The following DNAH17 variants were observed in gnomAD, a reference collection of about 807,000 sequenced individuals.
DNAH17 encodes axonemal beta dynein heavy chain 17.
A neutral mutation model predicts 485.6 loss-of-function variants in DNAH17; 376 were observed. That is an observed-to-expected ratio of 0.77 (90% CI 0.71 to 0.84). DNAH17 has a LOEUF of 0.84. Among genes scored for constraint, DNAH17 ranks in the 40% least tolerant of loss-of-function variants. The pLI is 0.00. For missense variants in DNAH17, 6,370 were observed against 5,839.3 expected, an observed-to-expected ratio of 1.09 and a Z score of -2.96; for synonymous variants, 3,031 against 2,405.9, an observed-to-expected ratio of 1.26 and a Z score of -7.60.
intron 72 of DNAH17, among the ~76,000 whole-genome samples, chr17:78,439,763 G>C (rs971311745): frequency 7.2e-6 from 1 of 138,638 alleles, no homozygotes; most frequent in Non-Finnish European, 1.5e-5. Context: ...TCCACCTCCC[G>C]GGTTCAAGTG....
At chr17:78,440,578 C>T (rs79237831) in intron 72 of DNAH17, among the ~76,000 whole-genome samples, 25 of 152,152 alleles carry the variant, frequency 1.6e-4, no homozygotes, top group African/African-American at 5.1e-4. Context: ...CTTTTTTAAT[C>T]GAGGGATACT....
intron 62 of DNAH17, among the ~76,000 whole-genome samples, chr17:78,457,724 G>C (rs1329179784): frequency 2.8e-5 from 4 of 144,650 alleles, no homozygotes; most frequent in Non-Finnish European, 6.0e-5. Flanking sequence ...ACAATGGCGC[G>C]ATCTCGGCTC....
intron 48 of DNAH17, among the ~76,000 whole-genome samples, chr17:78,481,310 A>G (rs1038919106): frequency 2.6e-5 from 4 of 151,656 alleles, no homozygotes; most frequent in African/African-American, 7.3e-5. Context: ...TCACCGTGTT[A>G]GCCAGGATGG....
At chr17:78,442,135 G>A (rs1218370440) in intron 71 of DNAH17, among the ~76,000 whole-genome samples, 1 of 152,140 alleles carries the variant, frequency 6.6e-6, no homozygotes, top group African/African-American at 2.4e-5. Context: ...CTGAAAGGAG[G>A]ACAAATGGCC....
intron 16 of DNAH17, among the ~76,000 whole-genome samples, 174 bp from the exon 17 acceptor site, chr17:78,544,171 G>A (rs894613000): frequency 3.9e-5 from 6 of 152,168 alleles, no homozygotes; most frequent in African/African-American, 1.2e-4. Flanking sequence ...GTGCCTAATT[G>A]ACTGTTGACC....
intron 11 of DNAH17, among the ~76,000 whole-genome samples, chr17:78,565,588 T>C (rs1039187129): frequency 6.6e-6 from 1 of 152,152 alleles, no homozygotes; most frequent in Non-Finnish European, 1.5e-5. Flanking sequence ...ACTGTTCAGA[T>C]CAGGGGCCCT....
Position 78,543,908 on chromosome 17 carries a change from C to T in DNAH17, c.2481G>A (p.Lys827=), listed in dbSNP as rs753550859. 9 of 1,613,926 alleles carry T rather than the reference C, an allele frequency of 5.6e-6. No individual in the cohort carries two copies. The Admixed American group carries it at 1.0e-4, about 18-fold the overall frequency. The part of the protein sequence containing the change: ...DLDGRIANLN[K]RYAAVRDAGV... ...CAGCATCCCTGACTGCTGCGTAGCG[C>T]TTGTTGAGGTTGGCAATTCTTCCAT... is the stretch of plus-strand genomic sequence containing the variant. The change falls in exon 17 of 81, where the codon AAG becomes AAA. Residue 827 remains lysine, a synonymous_variant. Coordinates refer to ENST00000389840, the MANE Select transcript of DNAH17 (RefSeq NM_173628.4).
At position 78,572,745 on chromosome 17, in the gene DNAH17, C is replaced by T. The variant is rs373888158; in HGVS notation, c.495G>A (p.Pro165=). ...KIKGKTLLPI[P]EHLGSLDGTL... ...TGCCATCCAGGCTGCCCAGGTGCTC[C>T]GGAATAGGCAGCAAGGTTTTGCCTT... Residue 165 remains proline, a synonymous_variant, in exon 3 of 81, where the codon CCG becomes CCA. Coordinates refer to ENST00000389840, the MANE Select transcript of DNAH17 (RefSeq NM_173628.4). The T allele has an allele frequency of 2.4e-5, 38 of 1,612,316 alleles. No individual in the cohort carries two copies. The highest frequency in any genetic ancestry group is 1.6e-4 in the Middle Eastern group (1 of 6,084).
rs750276168 is a variant in DNAH17 at position 78,434,173 on chromosome 17, G to C, written c.12081C>G (p.Leu4027=). 38 of 1,613,382 alleles carry C rather than the reference G, an allele frequency of 2.4e-5. 1 individual carries two copies. The highest frequency in any genetic ancestry group is 9.9e-5 in the South Asian group (9 of 91,076). The change falls in exon 75 of 81, where the codon CTC becomes CTG. Residue 4027 remains leucine, a synonymous_variant. Coordinates refer to ENST00000389840, the MANE Select transcript of DNAH17 (RefSeq NM_173628.4). ...CTKEMEFKCM[L]FALCYFHAVV... ...CAGCGTGGAAGTAGCACAGGGCGAA[G>C]AGCATGCACTTGAACTCCATCTCCT... is the stretch of plus-strand genomic sequence containing the variant.
At position 78,427,507 on chromosome 17, in the gene DNAH17, ACAGTG is replaced by A. The variant is rs1409340914; in HGVS notation, c.12589-404_12589-400del. On this transcript the variant is annotated intron_variant, in intron 77 of 80. Transcript: ENST00000389840. The stretch of plus-strand genomic sequence containing the variant: ...CACACCCTGTTAAGGAGTGGCCCAC[ACAGTG>A]CAGTGGTCACCTGCACCACCGTCTG... 1.2e-4 allele frequency among the ~76,000 whole-genome samples: 18 copies of A among 152,372 alleles called. No individual in the cohort carries two copies. In the East Asian group the frequency reaches 2.9e-3, roughly 24 times the overall value.
At chr17:78,430,276 A>C (rs1456896445) in intron 75 of DNAH17, among the ~76,000 whole-genome samples, 1 of 152,088 alleles carries the variant, frequency 6.6e-6, no homozygotes, top group Non-Finnish European at 1.5e-5. Flanking sequence ...TGTGGCAGCC[A>C]CTTTAAAAGA....
intron 22 of DNAH17, among the ~76,000 whole-genome samples, chr17:78,527,910 C>G (rs1477518653): frequency 6.6e-6 from 1 of 152,132 alleles, no homozygotes; most frequent in Non-Finnish European, 1.5e-5. Flanking sequence ...TCCCGAGCAG[C>G]TAGGATTACA....
chr17:78,561,843 G>C lies in DNAH17; in HGVS notation c.1707C>G (p.Ala569=), dbSNP rs779373597. ...TCAGGGGGATGTTCCCCTCCTCGGA[G>C]GCCGCCATCTGGGCATCGTACAAGA... ...AKILYDAQMA[A]SEEGNIPLIH... is the part of the protein sequence containing the mutation. The change falls in exon 12 of 81, where the codon GCC becomes GCG. Residue 569 remains alanine (A), a synonymous_variant. Coordinates refer to ENST00000389840, the MANE Select transcript of DNAH17 (RefSeq NM_173628.4). The C allele has an allele frequency of 5.0e-6, 8 of 1,613,950 alleles. No homozygotes were observed. The highest frequency in any genetic ancestry group is 6.8e-6 in the Non-Finnish European group (8 of 1,179,874).
intron 4 of DNAH17, 48 bp downstream of exon 4, chr17:78,571,542 G>A (rs371166089): frequency 6.0e-5 from 96 of 1,603,968 alleles, no homozygotes; most frequent in East Asian, 2.5e-4. Context: ...CGGCCCGGTC[G>A]CCCAGCTGGG....
Position 78,560,882 on chromosome 17 carries a change from A to G in DNAH17, c.1889T>C (p.Met630Thr), listed in dbSNP as rs1305721692. Reference sequence around the variant, plus strand: ...CTCGCGGTGGCACCTCAGCAGCTCCATCATCTCGTCATACTTCTGATAGGT... The same window carrying G: ...CTCGCGGTGGCACCTCAGCAGCTCCGTCATCTCGTCATACTTCTGATAGGT... ...KLTYQKYDEM[M>T]ELLRCHREKI... The change falls in exon 13 of 81, where the codon ATG becomes ACG. Residue 630 changes from methionine to threonine, a missense_variant. Coordinates refer to ENST00000389840, the MANE Select transcript of DNAH17 (RefSeq NM_173628.4). 12 of 1,551,586 alleles carry G rather than the reference A, an allele frequency of 7.7e-6. No individual in the cohort carries two copies. The highest frequency in any genetic ancestry group is 2.0e-5 in the Admixed American group (1 of 51,022).
In DNAH17 at chr17:78,445,639, A is replaced by C. The variant is rs973535179; in HGVS notation, c.11253T>G (p.Asp3751Glu). The C allele has an allele frequency of 1.3e-6, 2 of 1,573,864 alleles. No homozygotes were observed. Among genetic ancestry groups the C allele is most frequent in the African/African-American group, 1.3e-5 (1 of 74,112 alleles). ...CCTTAAAAGGGAACCGCAGGAGGAAATCCAGCTCCACTGGGTTCAGCTCCT... is the reference window on the plus strand; with the variant it reads ...CCTTAAAAGGGAACCGCAGGAGGAACTCCAGCTCCACTGGGTTCAGCTCCT... ...MKKELNPVEL[D>E]FLLRFPFKAG... The change falls in exon 70 of 81, where the codon GAT (aspartate) becomes GAG (glutamate). Residue 3751 changes from aspartate (D) to glutamate (E), a missense_variant. Transcript: ENST00000389840.
At chr17:78,475,999 C>A (rs1952217265) in intron 52 of DNAH17, 166 bp from the exon 53 acceptor site, 3 of 705,140 alleles carry the variant, frequency 4.3e-6, no homozygotes, top group Middle Eastern at 5.7e-4. Flanking sequence ...CAGCAAACCA[C>A]TGGGGCAAAA....
intron 13 of DNAH17, among the ~76,000 whole-genome samples, chr17:78,559,166 C>T (rs2092096709): frequency 1.3e-5 from 2 of 152,202 alleles, no homozygotes; most frequent in Non-Finnish European, 2.9e-5. Flanking sequence ...ATGAGATGTC[C>T]AGTGTTGTGG....
In DNAH17 at chr17:78,454,540, G is replaced by A. The variant is rs1243880498; in HGVS notation, c.10336C>T (p.Leu3446Phe). The change falls in exon 64 of 81, where the codon CTC becomes TTC. Residue 3446 changes from leucine (L) to phenylalanine (F), a missense_variant. Physicochemically the swap from Leu to Phe is conservative, Grantham distance 22. Coordinates refer to ENST00000389840, the MANE Select transcript of DNAH17 (RefSeq NM_173628.4). ...TTTTTGATCCACTTGATTCCTTGGAGCTGGGCGTCCACGATCAGCGGCCAC... is the reference window on the plus strand; with the variant it reads ...TTTTTGATCCACTTGATTCCTTGGAACTGGGCGTCCACGATCAGCGGCCAC... ...ERWPLIVDAQLQGIKWIKNKY... is the reference protein window; with the variant it reads ...ERWPLIVDAQFQGIKWIKNKY... 6.2e-7 allele frequency: 1 copy of A among 1,613,294 alleles called. No individual in the cohort carries two copies.
Sources: gnomAD v4.1 joint callset for allele counts (sites outside exome capture counted in the v4.1 genomes callset) on GRCh38, gnomAD v4.1.1 for gene constraint, MANE v1.5 for transcripts, NCBI Gene and HGNC (gene_info 2026-07-23, HGNC 2026-07-21) for gene names.